The following DHX8 variants were observed in gnomAD, a reference collection of about 807,000 sequenced individuals.
DHX8 encodes ATP-dependent RNA helicase DHX8.
A neutral mutation model predicts 140.7 loss-of-function variants in DHX8; 67 were observed. That is an observed-to-expected ratio of 0.48 (90% CI 0.39 to 0.58). The LOEUF (loss-of-function observed/expected upper bound fraction) is 0.58. DHX8 is among the 20% of genes least tolerant of loss of function. DHX8 has a pLI of 0.00. For synonymous variants in DHX8, 533 were observed against 553.2 expected (o/e 0.96, Z 0.51); for missense variants, 887 against 1,550.7 (o/e 0.57, Z 7.19).
chr17:43,525,105 C>T lies in DHX8; in HGVS notation c.*1258C>T. 2 of 985,370 alleles carry T rather than the reference C, an allele frequency of 2.0e-6. No homozygotes were observed. The highest frequency in any genetic ancestry group is 4.7e-5 in the South Asian group (1 of 21,288). 61.0% of individuals were successfully genotyped at this position (985,370 alleles called of 1,614,324 possible). A position where few individuals can be genotyped will look rare whatever the true frequency, so the allele number is the denominator to read the frequency against. On this transcript the variant is annotated 3_prime_UTR_variant, in exon 23 of 23. Coordinates refer to ENST00000262415, the MANE Select transcript of DHX8 (RefSeq NM_004941.3). The stretch of plus-strand genomic sequence containing the variant: ...CACTGTCCTCTGCACTGAGGAGGCT[C>T]CTTACCTGGCGGAACATCAGGCAGG...
chr17:43,492,196 A>C lies in DHX8; in HGVS notation c.407A>C (p.Glu136Ala). 1 of 1,614,000 alleles carries C rather than the reference A, an allele frequency of 6.2e-7. No individual in the cohort carries two copies. ...DNPSVRTMLDEDDVKVAVDVL... is the reference protein window; with the variant it reads ...DNPSVRTMLDADDVKVAVDVL... ...CTACCTCTGCAGACCATGTTGGATG[A>C]AGATGATGTGAAAGTTGCTGTGGAT... Residue 136 changes from glutamate (E) to alanine (A), a missense_variant, in exon 5 of 23, where the codon GAA becomes GCA. This residue lies in a region of DHX8 where 304 missense variants were observed against 306.9 expected (regional missense o/e 0.99). Coordinates refer to ENST00000262415, the MANE Select transcript of DHX8 (RefSeq NM_004941.3).
chr17:43,518,831 C>T (rs768703908), intron 18 of DHX8: 24 of 152,172 alleles, frequency 1.6e-4, no homozygotes, highest in Non-Finnish European at 2.9e-4. Context: ...TAGATAGCCT[C>T]ATTTAAGTGG....
At chr17:43,512,776 C>T (rs1295533953) in intron 16 of DHX8, among the ~76,000 whole-genome samples, 1 of 152,158 alleles carries the variant, frequency 6.6e-6, no homozygotes, top group Non-Finnish European at 1.5e-5. Context: ...AGAACAGTGA[C>T]AGTGCCAAGC....
chr17:43,528,176 A>C, downstream of DHX8: 1 of 255,354 alleles, frequency 3.9e-6, no homozygotes, highest in Non-Finnish European at 7.5e-6. Context: ...GAAGTTGGGA[A>C]GCGCCTTCTC....
intron 1 of DHX8, 100 bp downstream of exon 1, chr17:43,484,285 C>T (rs1967988972): frequency 3.0e-6 from 4 of 1,347,968 alleles, no homozygotes; most frequent in South Asian, 2.6e-5. Flanking sequence ...AAAGTATGTT[C>T]GTGTGAATCT....
intron 2 of DHX8, chr17:43,532,942 G>A: frequency 6.4e-7 from 1 of 1,556,642 alleles, no homozygotes; most frequent in Non-Finnish European, 8.7e-7. Context: ...AGACGGAGCT[G>A]GATGTGGTTG....
rs1969586406 is a variant in DHX8, at chr17:43,507,953, C to T, written c.2254C>T (p.Pro752Ser). The T allele has an allele frequency of 4.3e-6, 7 of 1,614,196 alleles. No individual in the cohort carries two copies. Among genetic ancestry groups the T allele is most frequent in the Non-Finnish European group, 5.9e-6 (7 of 1,180,044 alleles). ...YPVEILYTKE[P>S]ETDYLDASLI... ...AGTGGAAATACTGTACACAAAGGAA[C>T]CTGAGACAGATTATCTGGATGCCAG... Residue 752 changes from proline (P) to serine (S), a missense_variant, in exon 15 of 23, where the codon CCT (proline) becomes TCT (serine). By Grantham distance (74) the Pro-to-Ser change is moderately conservative. This residue lies in a region of DHX8 where 151 missense variants were observed against 388.3 expected (regional missense o/e 0.39). Coordinates refer to ENST00000262415, the MANE Select transcript of DHX8 (RefSeq NM_004941.3).
At chr17:43,498,140 G>GTT (rs1334963814) in intron 9 of DHX8, among the ~76,000 whole-genome samples, 4 of 142,680 alleles carry the variant, frequency 2.8e-5, no homozygotes, top group East Asian at 2.0e-4. Flanking sequence ...CTGGGAAGGT[G>GTT]TTTTTTTTTT....
At position 43,520,413 on chromosome 17, in the gene DHX8, ACT is replaced by A. The variant is rs1473555549; in HGVS notation, c.2937+147_2937+148del. ...GTTTGTTTTTAACCTGAATTTCTCC[ACT>A]GTCACTTTAAACTGTTTCTTCTTTA... is the stretch of plus-strand genomic sequence containing the variant. On this transcript the variant is annotated intron_variant, in intron 19 of 22. Coordinates refer to ENST00000262415, the MANE Select transcript of DHX8 (RefSeq NM_004941.3). 9 of 1,077,830 alleles carry A rather than the reference ACT, an allele frequency of 8.4e-6. No individual in the cohort carries two copies. The African/African-American group carries it at 1.4e-4, about 17-fold the overall frequency. The allele number at this position is 1,077,830 out of a possible 1,614,324, so 66.8% of individuals were successfully genotyped here.
intron 17 of DHX8, among the ~76,000 whole-genome samples, chr17:43,514,268 C>T (rs189043330): frequency 9.2e-5 from 14 of 152,172 alleles, no homozygotes; most frequent in African/African-American, 3.1e-4. Context: ...TCACTTGAGC[C>T]CAGGAGTCTG....
At chr17:43,515,498 A>G (rs1970061364) in intron 17 of DHX8, among the ~76,000 whole-genome samples, 2 of 152,294 alleles carry the variant, frequency 1.3e-5, no homozygotes, top group South Asian at 4.1e-4. Context: ...AATAATAGCT[A>G]ACACTTACAG....
Position 43,511,456 on chromosome 17 carries a change from A to ATTTTTTTTTTTTTTTTTTTTTTTT in DHX8, c.2503-1887_2503-1886insTTTTTTTTTTTTTTTTTTTTTTTT, listed in dbSNP as rs71160045. ...AGTGGCTTATGCCTGTGATCCCAGC[A>ATTTTTTTTTTTTTTTTTTTTTTTT]TTTTTTTTTTTTTTTTTTTGAGACA... On this transcript the variant is annotated intron_variant, in intron 16 of 22. Coordinates refer to ENST00000262415, the MANE Select transcript of DHX8 (RefSeq NM_004941.3). Among the ~76,000 whole-genome samples the ATTTTTTTTTTTTTTTTTTTTTTTT allele has an allele frequency of 8.3e-4, 47 of 56,790 alleles. 18 individuals carry two copies. Among genetic ancestry groups the ATTTTTTTTTTTTTTTTTTTTTTTT allele is most frequent in the Admixed American group, 2.3e-3 (7 of 3,042 alleles). 37.3% of individuals were successfully genotyped at this position (56,790 alleles called of 152,430 possible). A position where few individuals can be genotyped will look rare whatever the true frequency, so the allele number is the denominator to read the frequency against.
chr17:43,489,274 G>A (rs575492936), intron 1 of DHX8, among the ~76,000 whole-genome samples, 175 bp from the exon 2 acceptor site: 1 of 152,264 alleles, frequency 6.6e-6, no homozygotes, highest in South Asian at 2.1e-4. Context: ...CAGAGTGTTG[G>A]GATTACAGGC....
chr17:43,532,057 A>G (rs1970965332), intron 2 of DHX8, among the ~76,000 whole-genome samples: 1 of 152,212 alleles, frequency 6.6e-6, no homozygotes, highest in Non-Finnish European at 1.5e-5. Flanking sequence ...ACGAGGTCTC[A>G]CTTTGTTGCC....
intron 17 of DHX8, among the ~76,000 whole-genome samples, chr17:43,513,867 C>T (rs1969976651): frequency 6.6e-6 from 1 of 151,906 alleles, no homozygotes; most frequent in African/African-American, 2.4e-5. Flanking sequence ...GCATGTGCCA[C>T]CACACCTAGC....
At chr17:43,525,992 C>T (rs1970601382), downstream of DHX8, 1 of 985,242 alleles carries the variant, frequency 1.0e-6, no homozygotes, top group Non-Finnish European at 1.2e-6. Flanking sequence ...AGAAGGATCC[C>T]CATTCTGTGG....
downstream of DHX8, chr17:43,528,063 G>A (rs975957389): frequency 3.8e-5 from 9 of 234,946 alleles, no homozygotes; most frequent in Middle Eastern, 1.2e-3. Flanking sequence ...CTGACAAACC[G>A]GGACCCTCCA....
chr17:43,526,889 T>G, downstream of DHX8: 1 of 307,256 alleles, frequency 3.3e-6, no homozygotes, highest in Non-Finnish European at 6.0e-6. Flanking sequence ...TTGTGGGTAG[T>G]AGTCGAGGGG....
intron 9 of DHX8, among the ~76,000 whole-genome samples, chr17:43,496,777 C>CAAAA (rs199767106): frequency 7.1e-6 from 1 of 141,432 alleles, no homozygotes; most frequent in African/African-American, 2.6e-5. Flanking sequence ...GAGACTCTAT[C>CAAAA]AAAAAAAAAA....
Sources: gnomAD v4.1 joint callset for allele counts (sites outside exome capture counted in the v4.1 genomes callset) on GRCh38, gnomAD v4.1.1 for gene constraint, gnomAD v4.1.1 regional missense constraint, MANE v1.5 for transcripts, NCBI Gene and HGNC (gene_info 2026-07-23, HGNC 2026-07-21) for gene names.